The following NDRG1 variants were observed in gnomAD, a reference collection of about 807,000 sequenced individuals.
The protein encoded by NDRG1 is N-myc downstream regulated 1.
Under a neutral mutation model 56.9 loss-of-function variants are expected in NDRG1, and 32 were observed. The observed-to-expected ratio is 0.56, with a 90% CI of 0.42 to 0.76. The LOEUF is 0.76. Ranked by LOEUF, NDRG1 falls within the 30% of genes least tolerant of loss-of-function variation. NDRG1 has a pLI of 0.00. For missense variants in NDRG1, 507 were observed against 545.7 expected, an observed-to-expected ratio of 0.93 and a Z score of 0.71; for synonymous variants, 211 against 204.1, an observed-to-expected ratio of 1.03 and a Z score of -0.29.
Position 133,239,000 on chromosome 8 carries a change from G to T in NDRG1, c.1063C>A (p.His355Asn). ...HTSEGTRSRS[H>N]TSEGTRSRSH... ...CGGCTGCGGGTGCCCTCGCTGGTGT[G>T]GGAGCGGCTTCGGGTGCCCTCGCTG... The change falls in exon 16 of 16, where the codon CAC becomes AAC. Residue 355 changes from histidine to asparagine, a missense_variant. Transcript: ENST00000323851. 1 of 1,596,652 alleles carries T rather than the reference G, an allele frequency of 6.3e-7. No homozygotes were observed. Among genetic ancestry groups the T allele is most frequent in the South Asian group, 1.1e-5 (1 of 87,970 alleles).
intron 3 of NDRG1, among the ~76,000 whole-genome samples, chr8:133,267,059 A>C (rs562545047): frequency 1.3e-5 from 2 of 152,128 alleles, no homozygotes; most frequent in African/African-American, 4.8e-5. Flanking sequence ...GGAGGAGTGC[A>C]GGGGTTCCCG....
At chr8:133,249,978 C>T (rs890075491) in intron 10 of NDRG1, among the ~76,000 whole-genome samples, 4 of 152,158 alleles carry the variant, frequency 2.6e-5, no homozygotes, top group Non-Finnish European at 5.9e-5. Context: ...GCACCTAGTG[C>T]TGGTTGAGAG....
rs117069483 is a variant in NDRG1, at chr8:133,287,899, T to G, written c.-18-3570A>C. Among the ~76,000 whole-genome samples the G allele has an allele frequency of 7.3e-3, 1,116 of 152,316 alleles. 9 individuals are homozygous for G. Among genetic ancestry groups the G allele is most frequent in the Admixed American group, 0.013 (195 of 15,302 alleles). Reference sequence around the variant, plus strand: ...AGTAGGTAACAGTATCCAGAAAATGTCAGTTGGATGCATTCTTATTTAATC... The same window carrying G: ...AGTAGGTAACAGTATCCAGAAAATGGCAGTTGGATGCATTCTTATTTAATC... On this transcript the variant is annotated intron_variant, in intron 1 of 15. Transcript: ENST00000323851.
intron 3 of NDRG1, among the ~76,000 whole-genome samples, chr8:133,272,449 G>A (rs967832985): frequency 1.3e-5 from 2 of 152,218 alleles, no homozygotes; most frequent in Non-Finnish European, 2.9e-5. Flanking sequence ...AGGAAACTAA[G>A]CCCCAGGGAG....
At chr8:133,246,577 A>AGAAAT in intron 13 of NDRG1, 39 bp downstream of exon 13, 7 of 1,609,640 alleles carry the variant, frequency 4.3e-6, no homozygotes, top group Non-Finnish European at 6.0e-6. Flanking sequence ...AGAGTTTCTA[A>AGAAAT]GAAATAACAA....
chr8:133,249,898 A>T (rs1855916691), intron 10 of NDRG1, among the ~76,000 whole-genome samples: 1 of 152,218 alleles, frequency 6.6e-6, no homozygotes, highest in Non-Finnish European at 1.5e-5. Flanking sequence ...AGCTCCCTGG[A>T]AGATTACAGA....
chr8:133,254,792 G>A lies in NDRG1; in HGVS notation c.538-197C>T, dbSNP rs1856280584. 3.2e-5 allele frequency: 20 copies of A among 627,410 alleles called. 1 individual carries two copies. In the South Asian group the frequency reaches 3.8e-4, roughly 12 times the overall value. The allele number at this position is 627,410 out of a possible 1,614,324, so 38.9% of individuals were successfully genotyped here. ...CTGGACCTGATCCCCCAAATGCAGG[G>A]CCTGGGACTATATCCAGTTCCTTAT... On this transcript the variant is annotated intron_variant, in intron 8 of 15. Coordinates refer to ENST00000323851, the MANE Select transcript of NDRG1 (RefSeq NM_006096.4).
intron 2 of NDRG1, chr8:133,281,029 T>C (rs531567525): frequency 6.6e-6 from 1 of 152,346 alleles, no homozygotes; most frequent in East Asian, 1.9e-4. Flanking sequence ...GAAGAGGCAG[T>C]GGAGACCTCT....
At position 133,259,182 on chromosome 8, in the gene NDRG1, G is replaced by C; in HGVS notation, c.375C>G (p.Val125=). ...TTCGCTCTTACCCAAACTGTTGAAG[G>C]ACTCCAGGAAGCATTTCAGCCAGCT... ...MDQLAEMLPG[V]LQQFGLKSII... Residue 125 remains valine, a synonymous_variant, in exon 6 of 16, where the codon GTC becomes GTG. Coordinates refer to ENST00000323851, the MANE Select transcript of NDRG1 (RefSeq NM_006096.4). 6.2e-7 allele frequency: 1 copy of C among 1,614,176 alleles called. No homozygotes were observed. The highest frequency in any genetic ancestry group is 8.5e-7 in the Non-Finnish European group (1 of 1,180,022).
chr8:133,259,115 C>G, intron 6 of NDRG1, 53 bp downstream of exon 6: 3 of 1,583,722 alleles, frequency 1.9e-6, no homozygotes, highest in Non-Finnish European at 2.6e-6. Flanking sequence ...CAGGAAGATG[C>G]TAGAAACCAG....
chr8:133,238,753 T>TA lies in NDRG1; in HGVS notation c.*124dup. On this transcript the variant is annotated 3_prime_UTR_variant, in exon 16 of 16. Transcript: ENST00000323851. Reference sequence around the variant, plus strand: ...ATTTGTCTCCACCAGAGCTCACTCTTACAAAATAAGCTTTGGATTAATACC... The same window carrying TA: ...ATTTGTCTCCACCAGAGCTCACTCTTAACAAAATAAGCTTTGGATTAATACC... 8.3e-7 allele frequency: 1 copy of TA among 1,203,482 alleles called. No individual in the cohort carries two copies. The highest frequency in any genetic ancestry group is 1.1e-6 in the Non-Finnish European group (1 of 881,894). 74.6% of individuals were successfully genotyped at this position (1,203,482 alleles called of 1,614,324 possible). A position where few individuals can be genotyped will look rare whatever the true frequency, so the allele number is the denominator to read the frequency against.
intron 14 of NDRG1, among the ~76,000 whole-genome samples, chr8:133,242,412 C>G (rs556588725): frequency 2.0e-5 from 3 of 152,198 alleles, no homozygotes; most frequent in Admixed American, 2.0e-4. Flanking sequence ...ATAACTGCAT[C>G]GGCATCATGA....
chr8:133,256,522 G>A (rs1316040759), intron 8 of NDRG1, among the ~76,000 whole-genome samples: 2 of 152,176 alleles, frequency 1.3e-5, no homozygotes, highest in African/African-American at 4.8e-5. Flanking sequence ...TCTCCAAGCT[G>A]CCTCAGGGAC....
chr8:133,241,850 G>A (rs1339415174), intron 15 of NDRG1, 173 bp downstream of exon 15: 2 of 712,456 alleles, frequency 2.8e-6, no homozygotes, highest in South Asian at 1.7e-5. Context: ...ATAAATGAGA[G>A]GCTAGATCCT....
intron 1 of NDRG1, among the ~76,000 whole-genome samples, chr8:133,287,306 T>C (rs1858176021): frequency 6.6e-6 from 1 of 152,180 alleles, no homozygotes; most frequent in African/African-American, 2.4e-5. Flanking sequence ...GCCACCAGGC[T>C]GGCCCTCAAA....
At chr8:133,246,767 T>C in intron 12 of NDRG1, 104 bp from the exon 13 acceptor site, 4 of 1,063,032 alleles carry the variant, frequency 3.8e-6, no homozygotes, top group Non-Finnish European at 5.9e-6. Context: ...ACTCCAGTAT[T>C]TCTGCTGGCA....
chr8:133,272,400 T>C (rs2977502), intron 3 of NDRG1, among the ~76,000 whole-genome samples: 130,935 of 152,270 alleles, frequency 0.86, 56,478 homozygotes, highest in East Asian at 1. Flanking sequence ...GTTTGCAATG[T>C]GCTCAGGGAC....
intron 5 of NDRG1, among the ~76,000 whole-genome samples, chr8:133,259,944 G>A (rs890034156): frequency 1.3e-5 from 2 of 152,202 alleles, no homozygotes; most frequent in Non-Finnish European, 2.9e-5. Flanking sequence ...AAAGCGTGTG[G>A]GCAGGGAAGC....
At chr8:133,241,101 T>C (rs1466766644) in intron 15 of NDRG1, 2 of 152,214 alleles carry the variant, frequency 1.3e-5, no homozygotes, top group African/African-American at 2.4e-5. Flanking sequence ...ACTCTTACTA[T>C]ACATGGGCAA....
Sources: allele counts gnomAD v4.1 joint callset (sites outside exome capture counted in the v4.1 genomes callset), GRCh38; gene constraint gnomAD v4.1.1; transcripts MANE v1.5; gene names NCBI Gene and HGNC (gene_info 2026-07-23, HGNC 2026-07-21).